GINS2: variants seen among roughly 807,000 people sequenced by gnomAD.
GINS2 encodes DNA replication complex GINS protein PSF2.
In GINS2, 23 loss-of-function variants were observed where a neutral mutation model predicts 21.2. That is an observed-to-expected ratio of 1.08 (90% CI 0.78 to 1.53). The LOEUF is 1.53. GINS2 is among the 40% of genes most tolerant of loss of function. The pLI, the probability that GINS2 is intolerant of heterozygous loss-of-function variation, is 0.00. For synonymous variants in GINS2, 118 were observed against 85.6 expected (o/e 1.38, Z -2.09); for missense variants, 323 against 233.9 (o/e 1.38, Z -2.49).
intron 2 of GINS2, among the ~76,000 whole-genome samples, chr16:85,684,810 T>C (rs1307261482): frequency 6.6e-6 from 1 of 151,328 alleles, no homozygotes; most frequent in African/African-American, 2.4e-5. Flanking sequence ...TTTCCTGAGA[T>C]GGAGTCTCGC....
At chr16:85,682,959 CACCT>C (rs2053746628) in intron 2 of GINS2, among the ~76,000 whole-genome samples, 1 of 152,108 alleles carries the variant, frequency 6.6e-6, no homozygotes, top group East Asian at 1.9e-4. Flanking sequence ...ACCCACCACC[CACCT>C]CTCACCTGAC....
rs1598756782 is a variant in GINS2, at chr16:85,677,834, A to C, written c.*378T>G. 5.8e-6 allele frequency: 1 copy of C among 172,272 alleles called. No homozygotes were observed. 10.7% of individuals were successfully genotyped at this position (172,272 alleles called of 1,614,324 possible). ...ATCAAGAAGGGGTAAAAAGCCGTGGACCACATGGCCACTCCTGCTGTATCT... is the reference window on the plus strand; with the variant it reads ...ATCAAGAAGGGGTAAAAAGCCGTGGCCCACATGGCCACTCCTGCTGTATCT... On this transcript the variant is annotated 3_prime_UTR_variant, in exon 5 of 5. Transcript: ENST00000253462.
In GINS2 at chr16:85,678,520, C is replaced by T. The variant is rs905044952; in HGVS notation, c.432+20G>A. ...TATGCGGCATCAAGGCCACCAGCACCCAGGCAAGGCGGCACCTACCTTGGC... is the reference window on the plus strand; with the variant it reads ...TATGCGGCATCAAGGCCACCAGCACTCAGGCAAGGCGGCACCTACCTTGGC... On this transcript the variant is annotated intron_variant, in intron 4 of 4. Transcript: ENST00000253462. The T allele has an allele frequency of 1.9e-6, 3 of 1,609,980 alleles. No homozygotes were observed. In the African/African-American group the frequency reaches 4.0e-5, roughly 22 times the overall value.
chr16:85,685,091 G>C (rs1168208518), intron 2 of GINS2, among the ~76,000 whole-genome samples: 1 of 152,168 alleles, frequency 6.6e-6, no homozygotes, highest in Non-Finnish European at 1.5e-5. Flanking sequence ...GCCTGGCCCA[G>C]AACAGGCAGA....
At chr16:85,688,233 T>C (rs147011055) in intron 1 of GINS2, among the ~76,000 whole-genome samples, 1 of 151,410 alleles carries the variant, frequency 6.6e-6, no homozygotes, top group East Asian at 2.0e-4. Flanking sequence ...AGCCCAGGAG[T>C]TCGAGGCCAG....
At position 85,683,880 on chromosome 16, in the gene GINS2, T is replaced by C. The variant is rs1305443922; in HGVS notation, c.206-2199A>G. ...GGACATGGAACAATGGGAACTCATA[T>C]TTCTTGTAGGATAAAGGCTCAGCTG... On this transcript the variant is annotated intron_variant, in intron 2 of 4. Coordinates refer to ENST00000253462, the MANE Select transcript of GINS2 (RefSeq NM_016095.3). Among the ~76,000 whole-genome samples, 5 of 152,236 alleles carry C rather than the reference T, an allele frequency of 3.3e-5. No individual in the cohort carries two copies. The East Asian group carries it at 7.7e-4, about 23-fold the overall frequency.
rs2053734112 is a variant in GINS2, at chr16:85,681,635, A to C, written c.252T>G (p.Phe84Leu). 2 of 1,613,024 alleles carry C rather than the reference A, an allele frequency of 1.2e-6. No individual in the cohort carries two copies. The change falls in exon 3 of 5, where the codon TTT becomes TTG. Residue 84 changes from phenylalanine (F) to leucine (L), a missense_variant. Physicochemically the swap from Phe to Leu is conservative, Grantham distance 22. Transcript: ENST00000253462. ...TGTAGTAAGGGCTGGGCATTGGGGT[A>C]AAAGTTTCTTCCTTTCGTTCATGAT... The part of the protein sequence containing the change: ...MRDHERKEET[F>L]TPMPSPYYME...
Position 85,681,689 on chromosome 16 carries a change from T to G in GINS2, c.206-8A>C, listed in dbSNP as rs2053734689. The G allele has an allele frequency of 1.9e-6, 3 of 1,547,508 alleles. No homozygotes were observed. Among genetic ancestry groups the G allele is most frequent in the Non-Finnish European group, 2.7e-6 (3 of 1,120,792 alleles). ...TCATCTTCTCCAACTTTTCTGAAAT[T>G]TAGAAGTTAATACATTTTACCATCA... is the stretch of plus-strand genomic sequence containing the variant. On this transcript the variant is annotated splice_region_variant and splice_polypyrimidine_tract_variant and intron_variant, in intron 2 of 4. Transcript: ENST00000253462.
Position 85,687,598 on chromosome 16 carries a change from CG to C in GINS2, c.91-25del, listed in dbSNP as rs764561058. The C allele has an allele frequency of 1.7e-5, 23 of 1,373,704 alleles. No individual in the cohort carries two copies. In the East Asian group the frequency reaches 3.9e-4, roughly 23 times the overall value. The allele number at this position is 1,373,704 out of a possible 1,614,324, so 85.1% of individuals were successfully genotyped here. On this transcript the variant is annotated intron_variant, in intron 1 of 4. Coordinates refer to ENST00000253462, the MANE Select transcript of GINS2 (RefSeq NM_016095.3). ...CCCTGCCAAAAGTAAAACAATTCCC[CG>C]TAAGATTGAAAAAGAACAAAAAAAG...
intron 2 of GINS2, among the ~76,000 whole-genome samples, chr16:85,683,379 T>G (rs1055084659): frequency 1.3e-5 from 2 of 151,630 alleles, no homozygotes; most frequent in East Asian, 3.9e-4. Context: ...TCCAAATTTA[T>G]ACCCCCATCA....
At chr16:85,687,137 C>G (rs913592656) in intron 2 of GINS2, among the ~76,000 whole-genome samples, 1 of 152,232 alleles carries the variant, frequency 6.6e-6, no homozygotes, top group Non-Finnish European at 1.5e-5. Flanking sequence ...AGGAGGATCA[C>G]TTGAACCCAG....
chr16:85,680,386 T>A (rs115406853), intron 3 of GINS2, among the ~76,000 whole-genome samples: 2,303 of 152,344 alleles, frequency 0.015, 53 homozygotes, highest in African/African-American at 0.053. Flanking sequence ...CACAATTTTT[T>A]ATTCTAGTTC....
chr16:85,688,281 C>G (rs940463609), intron 1 of GINS2, among the ~76,000 whole-genome samples: 7 of 152,188 alleles, frequency 4.6e-5, no homozygotes, highest in Admixed American at 4.6e-4. Context: ...GGCGCAGTGG[C>G]TCCCGCCTGT....
intron 3 of GINS2, 28 bp from the exon 4 acceptor site, chr16:85,678,694 G>T: frequency 6.2e-7 from 1 of 1,606,454 alleles, no homozygotes. Flanking sequence ...AAAGTCAGTC[G>T]GGGAACACTT....
chr16:85,688,954 C>A lies in GINS2; in HGVS notation c.-56G>T, dbSNP rs58171120. ...GGTCTCCTCGGGCCCCTCAGCGTCCCGGAGGAGACGCCGCGGCCGCCGTTT... is the reference window on the plus strand; with the variant it reads ...GGTCTCCTCGGGCCCCTCAGCGTCCAGGAGGAGACGCCGCGGCCGCCGTTT... On this transcript the variant is annotated 5_prime_UTR_variant, in exon 1 of 5. Transcript: ENST00000253462. 5.5e-6 allele frequency: 7 copies of A among 1,264,864 alleles called. No homozygotes were observed. In the South Asian group the frequency reaches 8.3e-5, roughly 15 times the overall value. The allele number at this position is 1,264,864 out of a possible 1,614,324, so 78.4% of individuals were successfully genotyped here. A position where few individuals can be genotyped will look rare whatever the true frequency, so the allele number is the denominator to read the frequency against.
Position 85,677,885 on chromosome 16 carries a change from C to T in GINS2, c.*327G>A. Reference sequence around the variant, plus strand: ...ACACCTACCAGTCACTGAACACCTGCCCAAGTGTGATGGCTTCCATGCAGG... The same window carrying T: ...ACACCTACCAGTCACTGAACACCTGTCCAAGTGTGATGGCTTCCATGCAGG... On this transcript the variant is annotated 3_prime_UTR_variant, in exon 5 of 5. Coordinates refer to ENST00000253462, the MANE Select transcript of GINS2 (RefSeq NM_016095.3). 4.3e-6 allele frequency: 1 copy of T among 232,632 alleles called. No homozygotes were observed. The highest frequency in any genetic ancestry group is 8.5e-6 in the Non-Finnish European group (1 of 117,692). 14.4% of individuals were successfully genotyped at this position (232,632 alleles called of 1,614,324 possible). A position where few individuals can be genotyped will look rare whatever the true frequency, so the allele number is the denominator to read the frequency against.
chr16:85,688,815 G>T lies in GINS2; in HGVS notation c.84C>A (p.Leu28=). ...IPNFSLDKIY[L]IGGDLGPFNP... ...CGGCGGGCCCAGGCCTCACCCCGAT[G>T]AGGTAGATCTTGTCCAGACTGAAGT... The change falls in exon 1 of 5, where the codon CTC becomes CTA. Residue 28 remains leucine (L), a synonymous_variant. Transcript: ENST00000253462. The T allele has an allele frequency of 1.3e-6, 2 of 1,530,204 alleles. No individual in the cohort carries two copies. Among genetic ancestry groups the T allele is most frequent in the Non-Finnish European group, 8.8e-7 (1 of 1,135,170 alleles). The allele number at this position is 1,530,204 out of a possible 1,614,324, so 94.8% of individuals were successfully genotyped here.
At chr16:85,685,569 G>C (rs941653937) in intron 2 of GINS2, among the ~76,000 whole-genome samples, 1 of 149,924 alleles carries the variant, frequency 6.7e-6, no homozygotes, top group African/African-American at 2.5e-5. Flanking sequence ...TACTCCGGAA[G>C]CTGAAGCAGG....
At chr16:85,685,692 C>CAAAAAAAAAA (rs2053770909) in intron 2 of GINS2, among the ~76,000 whole-genome samples, 3 of 50,570 alleles carry the variant, frequency 5.9e-5, no homozygotes, top group African/African-American at 2.2e-4. Context: ...AAAAAAAAAA[C>CAAAAAAAAAA]CGTCTCAAAG....
Sources: gnomAD v4.1 joint callset for allele counts (sites outside exome capture counted in the v4.1 genomes callset) on GRCh38, gnomAD v4.1.1 for gene constraint, MANE v1.5 for transcripts, NCBI Gene and HGNC (gene_info 2026-07-23, HGNC 2026-07-21) for gene names.